Variants in ELFN1 observed in about 807,000 individuals in gnomAD.
ELFN1 encodes the protein protein ELFN1.
A neutral mutation model predicts 7.6 loss-of-function variants in ELFN1; 6 were observed. The observed-to-expected ratio is 0.79, with a 90% CI of 0.43 to 1.56. The LOEUF is 1.56. ELFN1 is among the 40% of genes most tolerant of loss of function. ELFN1 has a pLI of 0.01. For synonymous variants in ELFN1, 657 were observed against 588.1 expected (o/e 1.12, Z -1.70); for missense variants, 1,169 against 1,232.2 (o/e 0.95, Z 0.77).
intron 3 of ELFN1, among the ~76,000 whole-genome samples, chr7:1,716,532 G>A (rs1450381113): frequency 3.9e-5 from 6 of 152,216 alleles, no homozygotes; most frequent in Non-Finnish European, 5.9e-5. Flanking sequence ...AGGCTGGCCC[G>A]GCTACATGCC....
intron 2 of ELFN1, among the ~76,000 whole-genome samples, chr7:1,696,336 GAA>G (rs1779312748): frequency 6.6e-6 from 1 of 151,716 alleles, no homozygotes; most frequent in Non-Finnish European, 1.5e-5. Flanking sequence ...GAGAGAGAGG[GAA>G]AGAGAGACAG....
intron 1 of ELFN1, among the ~76,000 whole-genome samples, chr7:1,679,408 C>T (rs567523519): frequency 2.4e-4 from 37 of 152,240 alleles, no homozygotes; most frequent in African/African-American, 7.7e-4. Context: ...CCATCTGGGC[C>T]GTGGGCAGGG....
chr7:1,706,083 C>T (rs933015844), intron 2 of ELFN1, among the ~76,000 whole-genome samples: 4 of 152,158 alleles, frequency 2.6e-5, no homozygotes, highest in African/African-American at 7.2e-5. Context: ...GTTCCTCCTC[C>T]GATCCACCGC....
chr7:1,687,838 G>T (rs1253189400), intron 1 of ELFN1, among the ~76,000 whole-genome samples: 1 of 151,964 alleles, frequency 6.6e-6, no homozygotes, highest in African/African-American at 2.4e-5. Flanking sequence ...TTGGATATTT[G>T]TATGTCATTT....
At chr7:1,721,819 G>A (rs903217394) in intron 3 of ELFN1, among the ~76,000 whole-genome samples, 10 of 152,192 alleles carry the variant, frequency 6.6e-5, no homozygotes, top group South Asian at 2.1e-4. Context: ...GGAAGGGAAC[G>A]AGAAGGCCCA....
intron 1 of ELFN1, among the ~76,000 whole-genome samples, chr7:1,677,203 C>A (rs114471410): frequency 0.013 from 1,978 of 152,294 alleles, 44 homozygotes; most frequent in African/African-American, 0.045. Context: ...CGAAGCAAGT[C>A]CTGCTTCCCT....
intron 1 of ELFN1, among the ~76,000 whole-genome samples, chr7:1,672,048 GC>G (rs1395497084): frequency 1.3e-5 from 2 of 152,196 alleles, no homozygotes; most frequent in Non-Finnish European, 1.5e-5. Context: ...CAGCTGTGCA[GC>G]CCCCTCCTCC....
chr7:1,721,368 CAG>C (rs756820711), intron 3 of ELFN1, among the ~76,000 whole-genome samples: 21 of 152,212 alleles, frequency 1.4e-4, no homozygotes, highest in Non-Finnish European at 2.9e-4. Flanking sequence ...TGCAAGCTCT[CAG>C]GGGGCAGAGG....
rs779693103 is a variant in ELFN1, at chr7:1,746,047, C to T, written c.1451C>T (p.Ser484Phe). ...ELEAPGLAPL[S>F]QGPLLGPEAV... ...GAGGCGCCCGGCCTGGCCCCGCTGT[C>T]CCAGGGCCCGCTGCTGGGCCCCGAG... Residue 484 changes from serine to phenylalanine, a missense_variant, in exon 4 of 4, where the codon TCC becomes TTC. Ser to Phe is a radical substitution (Grantham distance 155, BLOSUM62 -2). This residue lies in a region of ELFN1 where 914 missense variants were observed against 872.6 expected (regional missense o/e 1.05). Coordinates refer to ENST00000424383, the MANE Select transcript of ELFN1 (RefSeq NM_001128636.4). 2 of 1,546,856 alleles carry T rather than the reference C, an allele frequency of 1.3e-6. No homozygotes were observed. Among genetic ancestry groups the T allele is most frequent in the Non-Finnish European group, 1.7e-6 (2 of 1,145,090 alleles).
intron 1 of ELFN1, among the ~76,000 whole-genome samples, chr7:1,681,990 T>C (rs1778983012): frequency 6.6e-6 from 1 of 152,258 alleles, no homozygotes; most frequent in Admixed American, 6.5e-5. Context: ...GTGAGTTCTG[T>C]ATATGTTCTG....
At position 1,746,268 on chromosome 7, in the gene ELFN1, A is replaced by G. The variant is rs751186375; in HGVS notation, c.1672A>G (p.Ile558Val). ...GAGTTCGGTGGCCGAGATCTCCACCATCGCCAAGGAGGTGGACAAGGTCAA... is the reference window on the plus strand; with the variant it reads ...GAGTTCGGTGGCCGAGATCTCCACCGTCGCCAAGGAGGTGGACAAGGTCAA... ...SQSSVAEIST[I>V]AKEVDKVNQI... The change falls in exon 4 of 4, where the codon ATC (isoleucine) becomes GTC (valine). Residue 558 changes from isoleucine (I) to valine (V), a missense_variant. By Grantham distance (29) the Ile-to-Val change is conservative. Transcript: ENST00000424383. 9 of 1,595,896 alleles carry G rather than the reference A, an allele frequency of 5.6e-6. No homozygotes were observed. In the East Asian group the frequency reaches 1.4e-4, roughly 24 times the overall value.
At chr7:1,675,302 T>C (rs775584947) in intron 1 of ELFN1, among the ~76,000 whole-genome samples, 1 of 152,180 alleles carries the variant, frequency 6.6e-6, no homozygotes, top group Non-Finnish European at 1.5e-5. Flanking sequence ...GCGCTGGACA[T>C]GTGGCCAGGT....
chr7:1,712,774 G>A (rs1186325263), intron 3 of ELFN1, among the ~76,000 whole-genome samples: 1 of 152,206 alleles, frequency 6.6e-6, no homozygotes, highest in African/African-American at 2.4e-5. Flanking sequence ...GCCCTGCTGG[G>A]TTTTGGATGT....
intron 3 of ELFN1, among the ~76,000 whole-genome samples, chr7:1,721,373 G>A (rs563597028): frequency 1.3e-5 from 2 of 152,336 alleles, no homozygotes; most frequent in East Asian, 3.9e-4. Flanking sequence ...GCTCTCAGGG[G>A]GCAGAGGCCA....
At chr7:1,738,089 C>G (rs543052224) in intron 3 of ELFN1, among the ~76,000 whole-genome samples, 1 of 152,218 alleles carries the variant, frequency 6.6e-6, no homozygotes, top group South Asian at 2.1e-4. Context: ...GTGAACGCAG[C>G]GGTTCTGGGA....
At chr7:1,731,585 A>G (rs1780325724) in intron 3 of ELFN1, among the ~76,000 whole-genome samples, 1 of 152,234 alleles carries the variant, frequency 6.6e-6, no homozygotes, top group African/African-American at 2.4e-5. Flanking sequence ...ATACGGGGAA[A>G]CAGACATGCA....
Position 1,746,846 on chromosome 7 carries a change from C to G in ELFN1, c.2250C>G (p.Tyr750Ter). 2 of 1,538,498 alleles carry G rather than the reference C, an allele frequency of 1.3e-6. No homozygotes were observed. The highest frequency in any genetic ancestry group is 1.8e-6 in the Non-Finnish European group (2 of 1,141,466). ...GGCCGCGGCCCCGCGACCTCGCCTA[C>G]TCGCAGCTGTCCCCGCAGTACCACA... ...LTRPRPRDLAYSQLSPQYHSL... is the reference protein window; with the variant it reads ...LTRPRPRDLA Residue 750 changes from tyrosine (Y) to a stop codon, truncating the protein, a stop_gained, in exon 4 of 4, where the codon TAC (tyrosine) becomes TAG (stop). Transcript: ENST00000424383. LOFTEE classifies it high-confidence loss of function.
At chr7:1,683,231 C>T (rs1234976026) in intron 1 of ELFN1, among the ~76,000 whole-genome samples, 1 of 150,482 alleles carries the variant, frequency 6.6e-6, no homozygotes, top group Non-Finnish European at 1.5e-5. Flanking sequence ...AAATATTTGA[C>T]AAAACTTACC....
chr7:1,672,430 G>C (rs1778785214), intron 1 of ELFN1, among the ~76,000 whole-genome samples: 1 of 151,980 alleles, frequency 6.6e-6, no homozygotes, highest in Admixed American at 6.6e-5. Flanking sequence ...CCCAGGGCCA[G>C]AGCCTGGAGT....
Sources: allele counts gnomAD v4.1 joint callset (sites outside exome capture counted in the v4.1 genomes callset), GRCh38; gene constraint gnomAD v4.1.1; regional missense constraint gnomAD v4.1.1; transcripts MANE v1.5; gene names NCBI Gene and HGNC (gene_info 2026-07-23, HGNC 2026-07-21).